PREPL: variants seen among roughly 807,000 people sequenced by gnomAD.
The protein encoded by PREPL is prolyl endopeptidase like.
Under a neutral mutation model 70.6 loss-of-function variants are expected in PREPL, and 77 were observed. The ratio of observed to expected loss-of-function variants is 1.09; its 90% CI spans 0.91 to 1.32. PREPL has a LOEUF of 1.32. Ranked by LOEUF, PREPL falls within the 40% of genes most tolerant of loss-of-function variation. PREPL has a pLI of 0.00. For synonymous variants in PREPL, 315 were observed against 264.8 expected (o/e 1.19, Z -1.84); for missense variants, 1,002 against 778.2 (o/e 1.29, Z -3.42).
intron 7 of PREPL, among the ~76,000 whole-genome samples, chr2:44,337,549 G>C (rs920495372): frequency 6.6e-6 from 1 of 152,150 alleles, no homozygotes; most frequent in Non-Finnish European, 1.5e-5. Context: ...AAGAATATTG[G>C]AGTTAGGGAG....
chr2:44,329,760 T>C (rs977417242), intron 8 of PREPL, among the ~76,000 whole-genome samples: 1 of 152,216 alleles, frequency 6.6e-6, no homozygotes, highest in South Asian at 2.1e-4. Flanking sequence ...CTAAGTTACT[T>C]GTAGGTTATG....
At chr2:44,356,464 G>C (rs1677056811) in intron 1 of PREPL, 2 of 152,380 alleles carry the variant, frequency 1.3e-5, no homozygotes, top group Non-Finnish European at 2.9e-5. Flanking sequence ...AGAATTGCCT[G>C]AATCTGGGAG....
At chr2:44,339,781 G>A (rs939869362) in intron 5 of PREPL, among the ~76,000 whole-genome samples, 1 of 152,100 alleles carries the variant, frequency 6.6e-6, no homozygotes, top group Admixed American at 6.6e-5. Flanking sequence ...TTGCTGAGAA[G>A]AGGAAATAAA....
At position 44,326,906 on chromosome 2, in the gene PREPL, G is replaced by A; in HGVS notation, c.1285C>T (p.Gln429Ter). ...GTTAGGCGGCCATCAGCGTGCCACT[G>A]GAGGCCTAACTCACCACCACCTCTG... ...HVRGGGELGL[Q>*]WHADGRLTKK... is the part of the protein sequence containing the mutation. Residue 429 changes from glutamine to a stop codon, truncating the protein, a stop_gained, in exon 10 of 14, where the codon CAG (glutamine) becomes TAG (stop). Transcript: ENST00000409411. LOFTEE classifies it high-confidence loss of function. 1 of 1,614,104 alleles carries A rather than the reference G, an allele frequency of 6.2e-7. No individual in the cohort carries two copies. The highest frequency in any genetic ancestry group is 8.5e-7 in the Non-Finnish European group (1 of 1,180,008).
At position 44,318,100 on chromosome 2, in the gene PREPL, T is replaced by G; in HGVS notation, c.*3256A>C. Reference sequence around the variant, plus strand: ...ACTTAAAGGATCTCAACACTGTTTTTTTTTTTTTTTGAGACAGTCTTGCTC... The same window carrying G: ...ACTTAAAGGATCTCAACACTGTTTTGTTTTTTTTTTGAGACAGTCTTGCTC... On this transcript the variant is annotated 3_prime_UTR_variant, in exon 14 of 14. Transcript: ENST00000409411. The G allele has an allele frequency of 2.3e-6, 1 of 443,012 alleles. No homozygotes were observed. Among genetic ancestry groups the G allele is most frequent in the South Asian group, 1.6e-5 (1 of 63,602 alleles). 27.4% of individuals were successfully genotyped at this position (443,012 alleles called of 1,614,324 possible).
chr2:44,322,192 T>A (rs767970066), intron 12 of PREPL, among the ~76,000 whole-genome samples: 2 of 152,114 alleles, frequency 1.3e-5, no homozygotes, highest in Non-Finnish European at 2.9e-5. Context: ...GAGAGTCTTA[T>A]GCCCTGGAAA....
At chr2:44,358,708 G>A (rs994293258) in intron 1 of PREPL, among the ~76,000 whole-genome samples, 17 of 152,166 alleles carry the variant, frequency 1.1e-4, no homozygotes, top group Non-Finnish European at 4.4e-5. Context: ...GGGCAATCAG[G>A]TCCTTAAGGT....
chr2:44,326,614 C>G, intron 10 of PREPL, 98 bp downstream of exon 10: 1 of 1,249,410 alleles, frequency 8.0e-7, no homozygotes, highest in Non-Finnish European at 1.2e-6. Context: ...GGATTACAGG[C>G]ATGAGCCGCT....
intron 1 of PREPL, among the ~76,000 whole-genome samples, chr2:44,361,068 A>C (rs1173455978): frequency 6.6e-6 from 1 of 152,222 alleles, no homozygotes; most frequent in Non-Finnish European, 1.5e-5. Context: ...AAGGACCTGC[A>C]AAGGTCCTAC....
In PREPL at chr2:44,320,869, C is replaced by T. The variant is rs1281416446; in HGVS notation, c.*487G>A. On this transcript the variant is annotated 3_prime_UTR_variant, in exon 14 of 14. Coordinates refer to ENST00000409411, the MANE Select transcript of PREPL (RefSeq NM_001171613.2). The stretch of plus-strand genomic sequence containing the variant: ...ATAACTTTATTCAGATAGCATCAAT[C>T]AGGGATGACCAGAACACATTAGGAC... The T allele has an allele frequency of 1.3e-5, 7 of 548,136 alleles. No homozygotes were observed. Among genetic ancestry groups the T allele is most frequent in the African/African-American group, 1.1e-4 (6 of 52,830 alleles). 34.0% of individuals were successfully genotyped at this position (548,136 alleles called of 1,614,324 possible).
intron 13 of PREPL, 77 bp downstream of exon 13, chr2:44,321,750 C>T: frequency 6.2e-7 from 1 of 1,612,188 alleles, no homozygotes; most frequent in South Asian, 1.1e-5. Context: ...CATAAACCTG[C>T]TGCAACCACT....
chr2:44,345,714 G>C (rs1675728874), intron 2 of PREPL, among the ~76,000 whole-genome samples: 1 of 152,032 alleles, frequency 6.6e-6, no homozygotes, highest in African/African-American at 2.4e-5. Flanking sequence ...CAGATACTTG[G>C]CTTTCATGGT....
intron 1 of PREPL, chr2:44,359,973 T>C: frequency 2.3e-6 from 1 of 426,538 alleles, no homozygotes; most frequent in Non-Finnish European, 4.2e-6. Flanking sequence ...AAATGTCTCA[T>C]TTGTAAAGTT....
At chr2:44,350,758 T>A (rs1302358269) in intron 1 of PREPL, among the ~76,000 whole-genome samples, 1 of 152,214 alleles carries the variant, frequency 6.6e-6, no homozygotes, top group African/African-American at 2.4e-5. Flanking sequence ...GGTCACTCAA[T>A]GGCTACCACA....
At chr2:44,342,795 T>G (rs1452833417) in intron 4 of PREPL, among the ~76,000 whole-genome samples, 2 of 152,190 alleles carry the variant, frequency 1.3e-5, no homozygotes, top group African/African-American at 4.8e-5. Context: ...GTACTCAGGT[T>G]TCTAAATAAG....
chr2:44,356,987 G>T (rs1247264987), intron 1 of PREPL, among the ~76,000 whole-genome samples: 2 of 152,148 alleles, frequency 1.3e-5, no homozygotes, highest in African/African-American at 4.8e-5. Flanking sequence ...AGTCTTTTTG[G>T]TAGAGTTGGG....
In PREPL at chr2:44,320,978, A is replaced by G. The variant is rs1051669825; in HGVS notation, c.*378T>C. The G allele has an allele frequency of 1.7e-5, 7 of 400,296 alleles. No homozygotes were observed. Among genetic ancestry groups the G allele is most frequent in the South Asian group, 2.5e-5 (1 of 39,786 alleles). The allele number at this position is 400,296 out of a possible 1,614,324, so 24.8% of individuals were successfully genotyped here. A position where few individuals can be genotyped will look rare whatever the true frequency, so the allele number is the denominator to read the frequency against. Reference sequence around the variant, plus strand: ...AAAATGCAGTCATAGAAATTAGAGGATGACTCACTGCCACAGTGTCTAAAA... The same window carrying G: ...AAAATGCAGTCATAGAAATTAGAGGGTGACTCACTGCCACAGTGTCTAAAA... On this transcript the variant is annotated 3_prime_UTR_variant, in exon 14 of 14. Coordinates refer to ENST00000409411, the MANE Select transcript of PREPL (RefSeq NM_001171613.2).
Position 44,327,055 on chromosome 2 carries a change from T to C in PREPL, c.1263-127A>G, listed in dbSNP as rs545438552. Reference sequence around the variant, plus strand: ...GGAGCTAAGACTGGTTTTTGCTTTTTAAAGGTTGAGTGAAAACAAGGAATG... The same window carrying C: ...GGAGCTAAGACTGGTTTTTGCTTTTCAAAGGTTGAGTGAAAACAAGGAATG... On this transcript the variant is annotated intron_variant, in intron 9 of 13. Transcript: ENST00000409411. The C allele has an allele frequency of 6.1e-5, 47 of 772,954 alleles. No homozygotes were observed. In the African/African-American group the frequency reaches 7.5e-4, roughly 12 times the overall value. 47.9% of individuals were successfully genotyped at this position (772,954 alleles called of 1,614,324 possible). A position where few individuals can be genotyped will look rare whatever the true frequency, so the allele number is the denominator to read the frequency against.
At chr2:44,359,273 G>A (rs1677399238) in intron 1 of PREPL, among the ~76,000 whole-genome samples, 1 of 151,684 alleles carries the variant, frequency 6.6e-6, no homozygotes, top group Admixed American at 6.6e-5. Flanking sequence ...TTACCATGTT[G>A]GCCAGGCTGG....
Sources: allele counts gnomAD v4.1 joint callset (sites outside exome capture counted in the v4.1 genomes callset), GRCh38; gene constraint gnomAD v4.1.1; transcripts MANE v1.5; gene names NCBI Gene and HGNC (gene_info 2026-07-23, HGNC 2026-07-21).